MFSD6: variants seen among roughly 807,000 people sequenced by gnomAD.
MFSD6 encodes major facilitator superfamily domain containing 6.
Under a neutral mutation model 56.3 loss-of-function variants are expected in MFSD6, and 26 were observed. That is an observed-to-expected ratio of 0.46 (90% CI 0.34 to 0.64). MFSD6 has a LOEUF of 0.64. MFSD6 is among the 30% of genes least tolerant of loss of function. The pLI is 0.01. For synonymous variants in MFSD6, 331 were observed against 366.9 expected, an observed-to-expected ratio of 0.90 and a Z score of 1.12; for missense variants, 750 against 986.2, an observed-to-expected ratio of 0.76 and a Z score of 3.21.
rs920379435 is a variant in MFSD6, at chr2:190,463,738, T to A, written c.1533-6020T>A. 3.4e-6 allele frequency: 1 copy of A among 294,546 alleles called. No homozygotes were observed. Among genetic ancestry groups the A allele is most frequent in the African/African-American group, 2.3e-5 (1 of 43,884 alleles). 18.2% of individuals were successfully genotyped at this position (294,546 alleles called of 1,614,324 possible). A position where few individuals can be genotyped will look rare whatever the true frequency, so the allele number is the denominator to read the frequency against. On this transcript the variant is annotated intron_variant, in intron 3 of 7. Coordinates refer to ENST00000392328, the MANE Select transcript of MFSD6 (RefSeq NM_017694.4). The surrounding 1 kb of genome is among the most constrained non-coding windows in gnomAD (Gnocchi z 4.4). The stretch of plus-strand genomic sequence containing the variant: ...GGGGGGCTGAGGTGGGAGGATCACC[T>A]GGGCTCTGGTGGTCAAGGCTGCATT...
intron 2 of MFSD6, among the ~76,000 whole-genome samples, chr2:190,421,142 T>G (rs1685598520): frequency 1.3e-5 from 2 of 152,202 alleles, no homozygotes. Flanking sequence ...TTTCCATTTT[T>G]GAATTAGCAT....
chr2:190,435,009 T>G (rs1222101437), intron 2 of MFSD6, among the ~76,000 whole-genome samples: 1 of 152,168 alleles, frequency 6.6e-6, no homozygotes, highest in African/African-American at 2.4e-5. Flanking sequence ...GTGCTCCTTA[T>G]GAGAACCTAA....
rs1486305042 is a variant in MFSD6 at position 190,461,201 on chromosome 2, A to G, written c.1533-8557A>G. Reference sequence around the variant, plus strand: ...CAGTGATCCCTTCAGGTTGAGAACCATGGGTCAGACATCACACATCATTTA... The same window carrying G: ...CAGTGATCCCTTCAGGTTGAGAACCGTGGGTCAGACATCACACATCATTTA... On this transcript the variant is annotated intron_variant, in intron 3 of 7. Transcript: ENST00000392328. The surrounding 1 kb of genome is among the most constrained non-coding windows in gnomAD (Gnocchi z 5.5). Among the ~76,000 whole-genome samples, 1 of 152,230 alleles carries G rather than the reference A, an allele frequency of 6.6e-6. No homozygotes were observed. Among genetic ancestry groups the G allele is most frequent in the Non-Finnish European group, 1.5e-5 (1 of 68,042 alleles).
rs1689381604 is a variant in MFSD6, at chr2:190,491,902, C to A, written c.1891+2036C>A. Among the ~76,000 whole-genome samples, 2 of 151,742 alleles carry A rather than the reference C, an allele frequency of 1.3e-5. No individual in the cohort carries two copies. Among genetic ancestry groups the A allele is most frequent in the African/African-American group, 4.8e-5 (2 of 41,278 alleles). Reference sequence around the variant, plus strand: ...AAGGTGAAGTCCAATTTAAGGAAATCAAAAAAATGATACAAGAAGTGAGGG... The same window carrying A: ...AAGGTGAAGTCCAATTTAAGGAAATAAAAAAAATGATACAAGAAGTGAGGG... On this transcript the variant is annotated intron_variant, in intron 6 of 7. Transcript: ENST00000392328. The surrounding 1 kb of genome is among the most constrained non-coding windows in gnomAD (Gnocchi z 4.2).
chr2:190,427,048 C>T (rs1257413103), intron 2 of MFSD6, among the ~76,000 whole-genome samples: 2 of 152,226 alleles, frequency 1.3e-5, no homozygotes, highest in Non-Finnish European at 2.9e-5. Flanking sequence ...CCTTCAGTGA[C>T]ACCCATTGAG....
intron 4 of MFSD6, among the ~76,000 whole-genome samples, chr2:190,475,137 C>T (rs1443989708): frequency 6.6e-6 from 1 of 152,120 alleles, no homozygotes; most frequent in African/African-American, 2.4e-5. Context: ...TGGAAGCATT[C>T]CCTTTGAAAA....
intron 2 of MFSD6, among the ~76,000 whole-genome samples, chr2:190,427,318 G>A (rs1282709503): frequency 1.3e-5 from 2 of 152,184 alleles, no homozygotes; most frequent in African/African-American, 2.4e-5. Context: ...GCTTGGTGAG[G>A]GCAGAATTGT....
At chr2:190,430,358 C>T (rs1458658410) in intron 2 of MFSD6, among the ~76,000 whole-genome samples, 1 of 150,882 alleles carries the variant, frequency 6.6e-6, no homozygotes, top group Non-Finnish European at 1.5e-5. Flanking sequence ...TGCGGCCTTC[C>T]GCAGTGTTTG....
chr2:190,465,470 G>C lies in MFSD6; in HGVS notation c.1533-4288G>C, dbSNP rs1274050069. Among the ~76,000 whole-genome samples the C allele has an allele frequency of 1.3e-5, 2 of 151,728 alleles. No individual in the cohort carries two copies. The highest frequency in any genetic ancestry group is 4.8e-5 in the African/African-American group (2 of 41,278). Reference sequence around the variant, plus strand: ...TATTTCCAGACATCAGTGCCCATAAGATTACTGATTATACATCAGTAATCT... The same window carrying C: ...TATTTCCAGACATCAGTGCCCATAACATTACTGATTATACATCAGTAATCT... On this transcript the variant is annotated intron_variant, in intron 3 of 7. Coordinates refer to ENST00000392328, the MANE Select transcript of MFSD6 (RefSeq NM_017694.4). The surrounding 1 kb of genome is among the most constrained non-coding windows in gnomAD (Gnocchi z 4.6).
chr2:190,441,071 G>A (rs1686356365), intron 3 of MFSD6, among the ~76,000 whole-genome samples: 1 of 152,130 alleles, frequency 6.6e-6, no homozygotes, highest in Non-Finnish European at 1.5e-5. Context: ...GGCCACTGAA[G>A]GGTTTAAGGA....
At position 190,434,535 on chromosome 2, in the gene MFSD6, G is replaced by A. The variant is rs374252150; in HGVS notation, c.-53-1442G>A. On this transcript the variant is annotated intron_variant, in intron 2 of 7. Coordinates refer to ENST00000392328, the MANE Select transcript of MFSD6 (RefSeq NM_017694.4). This position sits in a 1 kb window ranked among gnomAD's most constrained non-coding sequence, Gnocchi z 4.3. ...ACTGCAACCTCCGCCTCCTGGGTTCGAGCAATTTGCCTGCCTCAGCTTCCC... is the reference window on the plus strand; with the variant it reads ...ACTGCAACCTCCGCCTCCTGGGTTCAAGCAATTTGCCTGCCTCAGCTTCCC... Among the ~76,000 whole-genome samples the A allele has an allele frequency of 1.3e-5, 2 of 152,098 alleles. No individual in the cohort carries two copies. Among genetic ancestry groups the A allele is most frequent in the African/African-American group, 2.4e-5 (1 of 41,514 alleles).
At chr2:190,464,148 G>C (rs1687476561) in intron 3 of MFSD6, among the ~76,000 whole-genome samples, 1 of 152,198 alleles carries the variant, frequency 6.6e-6, no homozygotes, top group Non-Finnish European at 1.5e-5. Context: ...TGGTGTGCGT[G>C]CATCTTTGCG....
upstream of MFSD6, among the ~76,000 whole-genome samples, chr2:190,407,857 T>C (rs1301064402): frequency 6.6e-6 from 1 of 152,184 alleles, no homozygotes; most frequent in African/African-American, 2.4e-5. This position sits in a 1 kb window ranked among gnomAD's most constrained non-coding sequence, Gnocchi z 5.4. Context: ...AGCATTAGCA[T>C]TGTGTGTGCC....
At position 190,497,408 on chromosome 2, in the gene MFSD6, A is replaced by G. The variant is rs752803559; in HGVS notation, c.1892-31A>G. ...TGTTCAAATATGTAGAAAATGCTGAAAAAATAGTTTAAACATTCTTTTCTC... is the reference window on the plus strand; with the variant it reads ...TGTTCAAATATGTAGAAAATGCTGAGAAAATAGTTTAAACATTCTTTTCTC... On this transcript the variant is annotated intron_variant, in intron 6 of 7. Coordinates refer to ENST00000392328, the MANE Select transcript of MFSD6 (RefSeq NM_017694.4). The surrounding 1 kb of genome is among the most constrained non-coding windows in gnomAD (Gnocchi z 5.2). 2 of 1,600,074 alleles carry G rather than the reference A, an allele frequency of 1.2e-6. No homozygotes were observed. The highest frequency in any genetic ancestry group is 2.2e-5 in the South Asian group (2 of 89,518).
chr2:190,421,503 C>G (rs945138100), intron 2 of MFSD6, among the ~76,000 whole-genome samples: 1 of 152,068 alleles, frequency 6.6e-6, no homozygotes, highest in Non-Finnish European at 1.5e-5. Flanking sequence ...AGGTTACAAA[C>G]CAAAACAAAA....
intron 3 of MFSD6, among the ~76,000 whole-genome samples, chr2:190,455,934 CTTTTTT>C (rs34054506): frequency 1.5e-5 from 1 of 65,370 alleles, no homozygotes; most frequent in Non-Finnish European, 2.5e-5. Context: ...ATTTACTCTG[CTTTTTT>C]TTTTTTTTTT....
At chr2:190,464,926 G>T (rs573337263) in intron 3 of MFSD6, 467 of 983,044 alleles carry the variant, frequency 4.8e-4, no homozygotes, top group Admixed American at 1.2e-3. Flanking sequence ...GGGGAGGGTG[G>T]ATTTAGCCAT....
chr2:190,500,753 A>G lies in MFSD6; in HGVS notation c.*535A>G, dbSNP rs1356027722. Reference sequence around the variant, plus strand: ...AGCACATGTGCTTTTGTTAAAAATAAAGTTAAAAGTTAAAGTTAAAAAATG... The same window carrying G: ...AGCACATGTGCTTTTGTTAAAAATAGAGTTAAAAGTTAAAGTTAAAAAATG... On this transcript the variant is annotated 3_prime_UTR_variant, in exon 8 of 8. Transcript: ENST00000392328. The surrounding 1 kb of genome is among the most constrained non-coding windows in gnomAD (Gnocchi z 5.3). 6.5e-6 allele frequency: 1 copy of G among 152,848 alleles called. No individual in the cohort carries two copies. The highest frequency in any genetic ancestry group is 2.4e-5 in the African/African-American group (1 of 41,412). 9.5% of individuals were successfully genotyped at this position (152,848 alleles called of 1,614,324 possible). A position where few individuals can be genotyped will look rare whatever the true frequency, so the allele number is the denominator to read the frequency against.
Position 190,462,040 on chromosome 2 carries a change from C to G in MFSD6, c.1533-7718C>G, listed in dbSNP as rs746422891. 2.0e-5 allele frequency among the ~76,000 whole-genome samples: 3 copies of G among 152,020 alleles called. No individual in the cohort carries two copies. Among genetic ancestry groups the G allele is most frequent in the Non-Finnish European group, 4.4e-5 (3 of 68,018 alleles). On this transcript the variant is annotated intron_variant, in intron 3 of 7. Coordinates refer to ENST00000392328, the MANE Select transcript of MFSD6 (RefSeq NM_017694.4). This position sits in a 1 kb window ranked among gnomAD's most constrained non-coding sequence, Gnocchi z 5.7. ...ACTCACTATACGAACTCAAAATCTA[C>G]AGAAATATACTCCTTAGGCGATGAA...
Sources: gnomAD v4.1 joint callset for allele counts (sites outside exome capture counted in the v4.1 genomes callset) on GRCh38, gnomAD v4.1.1 for gene constraint, Gnocchi (gnomAD v3.1) non-coding constraint, MANE v1.5 for transcripts, NCBI Gene and HGNC (gene_info 2026-07-23, HGNC 2026-07-21) for gene names.